The following ZNF518A variants were observed in gnomAD, a reference collection of about 807,000 sequenced individuals.
The protein encoded by ZNF518A is zinc finger protein 518.
A neutral mutation model predicts 102.7 loss-of-function variants in ZNF518A; 47 were observed. That is an observed-to-expected ratio of 0.46 (90% confidence interval 0.36 to 0.58). ZNF518A has a LOEUF of 0.58. ZNF518A is among the 20% of genes least tolerant of loss of function. The probability of loss-of-function intolerance (pLI) is 0.00; values close to 1 mark genes in which losing one functional copy is unlikely to be tolerated. For synonymous variants in ZNF518A, 652 were observed against 594.6 expected (o/e 1.10, Z -1.40); for missense variants, 1,793 against 1,699.8 (o/e 1.05, Z -0.96).
intron 3 of ZNF518A, among the ~76,000 whole-genome samples, chr10:96,145,730 A>T (rs1212068699): frequency 6.6e-6 from 1 of 152,202 alleles, no homozygotes; most frequent in African/African-American, 2.4e-5. Flanking sequence ...CAGCAAGTAT[A>T]TTATTTTGAG....
rs1554882592 is a variant in ZNF518A at position 96,156,629 on chromosome 10, G to C, written c.307G>C (p.Glu103Gln). 2 of 1,613,798 alleles carry C rather than the reference G, an allele frequency of 1.2e-6. No homozygotes were observed. Among genetic ancestry groups the C allele is most frequent in the East Asian group, 4.5e-5 (2 of 44,862 alleles). ...VEECTLLHKS[E>Q]RAEEEGVKMS... ...GGAGTGTACATTGCTTCATAAGTCT[G>C]AGAGAGCTGAAGAAGAGGGTGTAAA... Residue 103 changes from glutamate to glutamine, a missense_variant, in exon 6 of 6, where the codon GAG becomes CAG. By Grantham distance (29) the Glu-to-Gln change is conservative (BLOSUM62 2). Coordinates refer to ENST00000316045, the MANE Select transcript of ZNF518A (RefSeq NM_001330736.2).
chr10:96,174,739 CAGATAGAT>C (rs57745529), intron 1 of ZNF518A, among the ~76,000 whole-genome samples: 14 of 151,004 alleles, frequency 9.3e-5, no homozygotes, highest in African/African-American at 1.5e-4. Flanking sequence ...AAAAAAATTA[CAGATAGAT>C]AGATAGATAG....
At chr10:96,174,672 A>ACCCAGGTTTAGATGGCTTCAG (rs2083192841) in intron 1 of ZNF518A, among the ~76,000 whole-genome samples, 1 of 152,166 alleles carries the variant, frequency 6.6e-6, no homozygotes, top group Admixed American at 6.5e-5. Context: ...GATACCACAA[A>ACCCAGGTTTAGATGGCTTCAG]AATTGTAAGA....
chr10:96,185,460 C>T (rs1554892476), intron 1 of ZNF518A, among the ~76,000 whole-genome samples: 1 of 152,192 alleles, frequency 6.6e-6, no homozygotes. Flanking sequence ...TACCTTTGCT[C>T]TTTGATGATG....
intron 1 of ZNF518A, among the ~76,000 whole-genome samples, chr10:96,174,430 CAAGAAA>C (rs2083191333): frequency 6.6e-6 from 1 of 151,946 alleles, no homozygotes; most frequent in Admixed American, 6.6e-5. Flanking sequence ...CTAGACTGGC[CAAGAAA>C]ATAAGACTCA....
chr10:96,182,291 T>G (rs2083244827), intron 1 of ZNF518A, among the ~76,000 whole-genome samples: 1 of 152,222 alleles, frequency 6.6e-6, no homozygotes, highest in East Asian at 1.9e-4. Context: ...ACAGTTAGAC[T>G]TCCTCATTTC....
chr10:96,147,446 T>A (rs762090731), intron 3 of ZNF518A, among the ~76,000 whole-genome samples: 16 of 152,228 alleles, frequency 1.1e-4, no homozygotes, highest in Non-Finnish European at 2.2e-4. Flanking sequence ...ATGCATATTA[T>A]GTCATGTCTT....
chr10:96,200,854 T>C lies in ZNF518A; in HGVS notation n.36-2720T>C. 1 of 895,590 alleles carries C rather than the reference T, an allele frequency of 1.1e-6. No individual in the cohort carries two copies. Among genetic ancestry groups the C allele is most frequent in the Non-Finnish European group, 1.9e-6 (1 of 533,704 alleles). 55.5% of individuals were successfully genotyped at this position (895,590 alleles called of 1,614,324 possible). On this transcript the variant is annotated intron_variant and non_coding_transcript_variant, in intron 1 of 2. Transcript: ENST00000442635. The surrounding 1 kb of genome is among the most constrained non-coding windows in gnomAD (Gnocchi z 4.3). ...TTCTGTCCCTATTACCAAATGACAG[T>C]TCACATAATGATGTAAAATACAGTC... is the stretch of plus-strand genomic sequence containing the variant.
chr10:96,137,447 C>T (rs1285024255), intron 3 of ZNF518A, among the ~76,000 whole-genome samples: 1 of 152,224 alleles, frequency 6.6e-6, no homozygotes, highest in African/African-American at 2.4e-5. Context: ...TACATCCAAG[C>T]TTGTCAGCCT....
intron 1 of ZNF518A, among the ~76,000 whole-genome samples, chr10:96,175,906 C>A (rs1170720043): frequency 2.3e-5 from 3 of 127,674 alleles, no homozygotes; most frequent in African/African-American, 5.6e-5. Flanking sequence ...TTCCTTCCTT[C>A]CTTCCTTCCT....
intron 1 of ZNF518A, among the ~76,000 whole-genome samples, chr10:96,196,159 C>T (rs1404703817): frequency 6.6e-6 from 1 of 152,176 alleles, no homozygotes; most frequent in Non-Finnish European, 1.5e-5. Context: ...ATGCTATTTT[C>T]TCTGCATAGA....
intron 1 of ZNF518A, among the ~76,000 whole-genome samples, chr10:96,179,031 A>T (rs2083222697): frequency 6.6e-6 from 1 of 152,120 alleles, no homozygotes; most frequent in Non-Finnish European, 1.5e-5. Context: ...AAAATAGGGG[A>T]ATATTTTTAT....
At chr10:96,175,865 G>C (rs112611736) in intron 1 of ZNF518A, among the ~76,000 whole-genome samples, 714 of 49,934 alleles carry the variant, frequency 0.014, 9 homozygotes, top group South Asian at 0.079. Flanking sequence ...TTCCCTCCCT[G>C]CCTCCCTCCC....
Position 96,156,490 on chromosome 10 carries a change from T to C in ZNF518A, c.168T>C (p.Asn56=). ...TGAAAATTGATTTGCCAAAAATAAA[T>C]ATTCCAAATGAAGTCCTATTGAAAC... is the stretch of plus-strand genomic sequence containing the variant. ...KNVKIDLPKI[N]IPNEVLLKHE... The change falls in exon 6 of 6, where the codon AAT becomes AAC. Residue 56 remains asparagine, a synonymous_variant. Coordinates refer to ENST00000316045, the MANE Select transcript of ZNF518A (RefSeq NM_001330736.2). The C allele has an allele frequency of 1.9e-6, 3 of 1,610,966 alleles. No homozygotes were observed. Among genetic ancestry groups the C allele is most frequent in the Middle Eastern group, 1.7e-4 (1 of 6,052 alleles).
At position 96,159,101 on chromosome 10, in the gene ZNF518A, A is replaced by C; in HGVS notation, c.2779A>C (p.Lys927Gln). Residue 927 changes from lysine (K) to glutamine (Q), a missense_variant, in exon 6 of 6, where the codon AAA (lysine) becomes CAA (glutamine). Lys to Gln is a moderately conservative substitution (Grantham distance 53, BLOSUM62 1). Around this residue, in one of 3 missense-constraint regions of ZNF518A, gnomAD observed 1,741 missense variants for 1,622.6 expected, o/e 1.07. Coordinates refer to ENST00000316045, the MANE Select transcript of ZNF518A (RefSeq NM_001330736.2). The part of the protein sequence containing the change: ...MQSPLLNSEQ[K>Q]KTIIVQTSKG... ...GAGTCCACTTTTAAATTCAGAACAA[A>C]AAAAAACTATAATTGTTCAGACTTC... is the stretch of plus-strand genomic sequence containing the variant. 1 of 1,611,386 alleles carries C rather than the reference A, an allele frequency of 6.2e-7. No homozygotes were observed. Among genetic ancestry groups the C allele is most frequent in the Non-Finnish European group, 8.5e-7 (1 of 1,179,134 alleles).
intron 1 of ZNF518A, among the ~76,000 whole-genome samples, chr10:96,185,511 T>C (rs2083266694): frequency 6.6e-6 from 1 of 152,226 alleles, no homozygotes; most frequent in Admixed American, 6.5e-5. Context: ...GTTCTTTTTG[T>C]TGATGCTGAT....
Position 96,157,163 on chromosome 10 carries a change from GT to G in ZNF518A, c.843del (p.Ile282Ter). On this transcript the variant is annotated frameshift_variant, in exon 6 of 6. Coordinates refer to ENST00000316045, the MANE Select transcript of ZNF518A (RefSeq NM_001330736.2). LOFTEE classifies it high-confidence loss of function. ...CAGGAGAGAACACCTTGTAAGACAT[GT>G]TATAACTTTGCACAAAGAACATTTA... ...ATRREHLVRH[V>X]ITLHKEHLYA... 6.2e-7 allele frequency: 1 copy of G among 1,613,338 alleles called. No individual in the cohort carries two copies. Among genetic ancestry groups the G allele is most frequent in the Non-Finnish European group, 8.5e-7 (1 of 1,179,610 alleles).
chr10:96,184,325 T>G (rs1209400522), intron 1 of ZNF518A, among the ~76,000 whole-genome samples: 1 of 152,232 alleles, frequency 6.6e-6, no homozygotes, highest in African/African-American at 2.4e-5. Context: ...TTGTTACATG[T>G]GAATTTGATC....
intron 3 of ZNF518A, among the ~76,000 whole-genome samples, chr10:96,136,478 G>C (rs1445833762): frequency 6.6e-6 from 1 of 150,874 alleles, no homozygotes; most frequent in Non-Finnish European, 1.5e-5. Flanking sequence ...TAGTGAGAAA[G>C]CCAGTTTGAA....
Sources: gnomAD v4.1 joint callset for allele counts (sites outside exome capture counted in the v4.1 genomes callset) on GRCh38, gnomAD v4.1.1 for gene constraint, gnomAD v4.1.1 regional missense constraint, Gnocchi (gnomAD v3.1) non-coding constraint, MANE v1.5 for transcripts, NCBI Gene and HGNC (gene_info 2026-07-23, HGNC 2026-07-21) for gene names.